SLIT2: variants seen among roughly 807,000 people sequenced by gnomAD.
SLIT2 encodes slit homolog 2 protein.
Under a neutral mutation model 185.7 loss-of-function variants are expected in SLIT2, and 41 were observed. The observed-to-expected ratio is 0.22, with a 90% CI of 0.17 to 0.29. The LOEUF is 0.29. SLIT2 is among the 10% of genes least tolerant of loss of function. SLIT2 has a pLI of 1.00. For missense variants in SLIT2, 1,571 were observed against 1,909.0 expected (o/e 0.82, Z 3.30); for synonymous variants, 693 against 680.2 (o/e 1.02, Z -0.29).
intron 4 of SLIT2, among the ~76,000 whole-genome samples, chr4:20,304,836 A>G (rs1224278109): frequency 6.6e-6 from 1 of 152,062 alleles, no homozygotes; most frequent in Non-Finnish European, 1.5e-5. Flanking sequence ...AGAGAGCGTG[A>G]TTGGTGGTTG....
chr4:20,389,405 G>C (rs1034309734), intron 4 of SLIT2, among the ~76,000 whole-genome samples: 1 of 152,046 alleles, frequency 6.6e-6, no homozygotes, highest in African/African-American at 2.4e-5. Context: ...TACGCCAGGA[G>C]TTGTTCTTTC....
chr4:20,400,330 A>G (rs970725374), intron 4 of SLIT2, among the ~76,000 whole-genome samples: 1 of 151,698 alleles, frequency 6.6e-6, no homozygotes, highest in Admixed American at 6.6e-5. Context: ...GCATCCTGGC[A>G]TAGAAGGATG....
At chr4:20,538,284 C>A (rs559171475) in intron 18 of SLIT2, among the ~76,000 whole-genome samples, 1 of 152,100 alleles carries the variant, frequency 6.6e-6, no homozygotes, top group Non-Finnish European at 1.5e-5. Flanking sequence ...CAACTTCCCC[C>A]AGGGGCATGT....
chr4:20,528,875 T>G lies in SLIT2; in HGVS notation c.1463-74T>G. The G allele has an allele frequency of 8.0e-7, 1 of 1,253,066 alleles. No homozygotes were observed. Among genetic ancestry groups the G allele is most frequent in the Non-Finnish European group, 1.1e-6 (1 of 901,592 alleles). The allele number at this position is 1,253,066 out of a possible 1,614,324, so 77.6% of individuals were successfully genotyped here. ...TACATAATCTATAGTTATCTTACTT[T>G]TTTCTTCCTACAAACTAATAAATTT... On this transcript the variant is annotated intron_variant, in intron 15 of 36. Coordinates refer to ENST00000504154, the MANE Select transcript of SLIT2 (RefSeq NM_004787.4). The surrounding 1 kb of genome is among the most constrained non-coding windows in gnomAD (Gnocchi z 4.2).
At chr4:20,269,933 T>A (rs895243579) in intron 4 of SLIT2, among the ~76,000 whole-genome samples, 1 of 151,876 alleles carries the variant, frequency 6.6e-6, no homozygotes, top group Non-Finnish European at 1.5e-5. Context: ...TAGGGAGATA[T>A]TCCCCAGCTG....
At chr4:20,326,222 C>T (rs1258561275) in intron 4 of SLIT2, among the ~76,000 whole-genome samples, 1 of 152,024 alleles carries the variant, frequency 6.6e-6, no homozygotes, top group Non-Finnish European at 1.5e-5. Context: ...TATCTATATA[C>T]TATATGTTTT....
intron 16 of SLIT2, among the ~76,000 whole-genome samples, chr4:20,530,573 G>A (rs1011876668): frequency 6.6e-6 from 1 of 152,140 alleles, no homozygotes; most frequent in Admixed American, 6.6e-5. Flanking sequence ...ATGAGACACT[G>A]CCCCTGGCCT....
intron 34 of SLIT2, among the ~76,000 whole-genome samples, chr4:20,611,797 T>C (rs1185691109): frequency 6.6e-6 from 1 of 152,208 alleles, no homozygotes; most frequent in Non-Finnish European, 1.5e-5. Flanking sequence ...TTTCTCTGTT[T>C]TGTAGTCCCT....
At chr4:20,612,245 G>GAAAAA (rs139866324) in intron 34 of SLIT2, among the ~76,000 whole-genome samples, 1 of 56,234 alleles carries the variant, frequency 1.8e-5, no homozygotes, top group Non-Finnish European at 3.7e-5. Context: ...ACTATCTCAA[G>GAAAAA]AAAAAAAAAA....
intron 4 of SLIT2, among the ~76,000 whole-genome samples, chr4:20,391,410 G>A (rs1725401589): frequency 6.6e-6 from 1 of 151,774 alleles, no homozygotes; most frequent in African/African-American, 2.4e-5. Context: ...CAATTTCATT[G>A]CACCAAGTGT....
intron 4 of SLIT2, among the ~76,000 whole-genome samples, chr4:20,356,869 G>T (rs1722369743): frequency 6.6e-6 from 1 of 152,044 alleles, no homozygotes; most frequent in Admixed American, 6.6e-5. Context: ...TCCAGCCACT[G>T]GTGTTTCTTT....
chr4:20,361,184 T>G (rs1722714076), intron 4 of SLIT2, among the ~76,000 whole-genome samples: 1 of 152,066 alleles, frequency 6.6e-6, no homozygotes, highest in Non-Finnish European at 1.5e-5. Flanking sequence ...ATCCTAAAGG[T>G]CTCCAGAAAT....
chr4:20,544,933 G>A lies in SLIT2; in HGVS notation c.2277-1098G>A, dbSNP rs184005451. Among the ~76,000 whole-genome samples the A allele has an allele frequency of 2.7e-3, 410 of 152,060 alleles. 3 individuals are homozygous for A. Among genetic ancestry groups the A allele is most frequent in the African/African-American group, 9.5e-3 (394 of 41,492 alleles). ...GGAAAGAAAAAAATGGAGAGGGGTC[G>A]AAGAAGAAATATCAAGTCAGAAAAT... On this transcript the variant is annotated intron_variant, in intron 21 of 36. Coordinates refer to ENST00000504154, the MANE Select transcript of SLIT2 (RefSeq NM_004787.4).
At chr4:20,259,074 C>G (rs1038371619) in intron 3 of SLIT2, among the ~76,000 whole-genome samples, 1 of 151,580 alleles carries the variant, frequency 6.6e-6, no homozygotes, top group African/African-American at 2.4e-5. Flanking sequence ...TGGTCTTTCT[C>G]TATGTTAAAT....
chr4:20,541,328 C>A, intron 19 of SLIT2, 125 bp from the exon 20 acceptor site: 1 of 731,386 alleles, frequency 1.4e-6, no homozygotes, highest in Non-Finnish European at 2.3e-6. Flanking sequence ...AGAATGGGGA[C>A]AGGGAATGCA....
intron 34 of SLIT2, chr4:20,615,239 T>C (rs567569893): frequency 6.6e-6 from 1 of 152,282 alleles, no homozygotes; most frequent in Admixed American, 6.5e-5. Flanking sequence ...TTCCTGGAAA[T>C]GGTAAGTTTC....
chr4:20,546,341 A>G (rs1723251767), intron 22 of SLIT2, among the ~76,000 whole-genome samples: 2 of 152,164 alleles, frequency 1.3e-5, no homozygotes, highest in Admixed American at 1.3e-4. Flanking sequence ...ACGAAGTCTG[A>G]GTAGTCAGAG....
At chr4:20,359,779 A>C (rs1192343301) in intron 4 of SLIT2, among the ~76,000 whole-genome samples, 1 of 152,148 alleles carries the variant, frequency 6.6e-6, no homozygotes, top group East Asian at 1.9e-4. Context: ...AAGTAAGGAA[A>C]AAGGCAGCTC....
intron 4 of SLIT2, among the ~76,000 whole-genome samples, chr4:20,398,179 G>A (rs1278509906): frequency 1.3e-5 from 2 of 151,788 alleles, no homozygotes; most frequent in Admixed American, 1.3e-4. Context: ...GGTTGAGCAA[G>A]AGAACAAAGA....
Sources: allele counts gnomAD v4.1 joint callset (sites outside exome capture counted in the v4.1 genomes callset), GRCh38; gene constraint gnomAD v4.1.1; non-coding constraint Gnocchi (gnomAD v3.1); transcripts MANE v1.5; gene names NCBI Gene and HGNC (gene_info 2026-07-23, HGNC 2026-07-21).